CACNA2D4: variants seen among roughly 807,000 people sequenced by gnomAD.
CACNA2D4 encodes calcium voltage-gated channel auxiliary subunit alpha2delta 4.
A neutral mutation model predicts 163.8 loss-of-function variants in CACNA2D4; 157 were observed. That is an observed-to-expected ratio of 0.96 (90% CI 0.84 to 1.09). The LOEUF (loss-of-function observed/expected upper bound fraction) is 1.09. Ranked by LOEUF, CACNA2D4 falls within the 50% of genes least tolerant of loss-of-function variation. The pLI is 0.00. For synonymous variants in CACNA2D4, 598 were observed against 586.9 expected, an observed-to-expected ratio of 1.02 and a Z score of -0.27; for missense variants, 1,410 against 1,479.9, an observed-to-expected ratio of 0.95 and a Z score of 0.78.
Position 1,879,005 on chromosome 12 carries a change from C to G in CACNA2D4, c.1595G>C (p.Gly532Ala), listed in dbSNP as rs745676117. Reference sequence around the variant, plus strand: ...CAGCTCTCTCAGGGCCACATCTGAGCCCACCACACCCAGGAGAATGCCATG... The same window carrying G: ...CAGCTCTCTCAGGGCCACATCTGAGGCCACCACACCCAGGAGAATGCCATG... ...RSHGILLGVV[G>A]SDVALRELMK... The change falls in exon 15 of 38, where the codon GGC becomes GCC. Residue 532 changes from glycine to alanine, a missense_variant. Gly to Ala is a moderately conservative substitution (Grantham distance 60, BLOSUM62 0). Coordinates refer to ENST00000382722, the MANE Select transcript of CACNA2D4 (RefSeq NM_172364.5). 2 of 1,613,832 alleles carry G rather than the reference C, an allele frequency of 1.2e-6. No homozygotes were observed. Among genetic ancestry groups the G allele is most frequent in the Non-Finnish European group, 1.7e-6 (2 of 1,179,832 alleles).
At chr12:1,808,239 G>A (rs571164258) in intron 29 of CACNA2D4, among the ~76,000 whole-genome samples, 20 of 152,274 alleles carry the variant, frequency 1.3e-4, no homozygotes, top group Admixed American at 9.8e-4. Context: ...CTCCCCGCAC[G>A]GTTGTCCCGC....
rs114623586 is a variant in CACNA2D4, at chr12:1,806,190, C to T, written c.2721+4088G>A. Among the ~76,000 whole-genome samples the T allele has an allele frequency of 9.6e-3, 1,457 of 152,280 alleles. 28 individuals carry two copies. Among genetic ancestry groups the T allele is most frequent in the African/African-American group, 0.033 (1,386 of 41,538 alleles). On this transcript the variant is annotated intron_variant, in intron 29 of 37. Transcript: ENST00000382722. This position sits in a 1 kb window ranked among gnomAD's most constrained non-coding sequence, Gnocchi z 4.1. ...CCGCCCAGAAGCAAATGACAGGAAT[C>T]GGAGTCCCCAGATTCAGGGTGACAG...
At chr12:1,821,836 C>T (rs140677643) in intron 26 of CACNA2D4, among the ~76,000 whole-genome samples, 4 of 152,152 alleles carry the variant, frequency 2.6e-5, no homozygotes, top group Non-Finnish European at 4.4e-5. Flanking sequence ...GTCTCTCCCC[C>T]ACCCCCAAGC....
intron 6 of CACNA2D4, among the ~76,000 whole-genome samples, chr12:1,902,884 C>T (rs1418135929): frequency 2.6e-5 from 4 of 151,924 alleles, no homozygotes; most frequent in Non-Finnish European, 5.9e-5. Flanking sequence ...TATATGGAAC[C>T]AAAAAAGACC....
intron 18 of CACNA2D4, among the ~76,000 whole-genome samples, chr12:1,867,964 A>G (rs755031527): frequency 1.6e-4 from 24 of 152,252 alleles, no homozygotes; most frequent in Non-Finnish European, 2.8e-4. Context: ...AAGACAAGAA[A>G]TAAGTGTAGA....
In CACNA2D4 at chr12:1,838,798, G is replaced by T. The variant is rs569760351; in HGVS notation, c.2551+1941C>A. ...CAGGAGCTGAGAAGGCCCCCATCAC[G>T]TGGGAGCAGCACAGGCGCAGGCTTG... On this transcript the variant is annotated intron_variant, in intron 26 of 37. Transcript: ENST00000382722. 2.0e-5 allele frequency among the ~76,000 whole-genome samples: 3 copies of T among 152,306 alleles called. No individual in the cohort carries two copies. In the East Asian group the frequency reaches 5.8e-4, roughly 29 times the overall value.
At position 1,834,800 on chromosome 12, in the gene CACNA2D4, C is replaced by G; in HGVS notation, c.2551+5939G>C. 1 of 1,475,676 alleles carries G rather than the reference C, an allele frequency of 6.8e-7. No individual in the cohort carries two copies. The highest frequency in any genetic ancestry group is 8.9e-7 in the Non-Finnish European group (1 of 1,117,574). The allele number at this position is 1,475,676 out of a possible 1,614,324, so 91.4% of individuals were successfully genotyped here. ...CTCAGCCACAGCTCCCACCTTGACC[C>G]GGCGCTGGCCACTGCCTCCCCGAGT... On this transcript the variant is annotated intron_variant, in intron 26 of 37. Transcript: ENST00000382722. The surrounding 1 kb of genome is among the most constrained non-coding windows in gnomAD (Gnocchi z 7.6).
Position 1,866,408 on chromosome 12 carries a change from A to C in CACNA2D4, c.1879-6202T>G, listed in dbSNP as rs576962635. Among the ~76,000 whole-genome samples the C allele has an allele frequency of 4.6e-5, 7 of 152,330 alleles. No homozygotes were observed. In the East Asian group the frequency reaches 1.3e-3, roughly 29 times the overall value. On this transcript the variant is annotated intron_variant, in intron 18 of 37. Transcript: ENST00000382722. ...ATGCAACATCGAAACTTTTGCTTTAAATAGTCAGTTGTCTTTTTGAGAAAT... is the reference window on the plus strand; with the variant it reads ...ATGCAACATCGAAACTTTTGCTTTACATAGTCAGTTGTCTTTTTGAGAAAT...
At chr12:1,847,627 C>T (rs1416845906) in intron 23 of CACNA2D4, among the ~76,000 whole-genome samples, 1 of 152,178 alleles carries the variant, frequency 6.6e-6, no homozygotes, top group Non-Finnish European at 1.5e-5. Context: ...CTGAGTCAGA[C>T]TCTCTGGGGA....
rs373610752 is a variant in CACNA2D4 at position 1,828,259 on chromosome 12, G to A, written c.2551+12480C>T. The A allele has an allele frequency of 6.8e-5, 101 of 1,493,484 alleles. No homozygotes were observed. Among genetic ancestry groups the A allele is most frequent in the Middle Eastern group, 3.5e-4 (2 of 5,736 alleles). 92.5% of individuals were successfully genotyped at this position (1,493,484 alleles called of 1,614,324 possible). On this transcript the variant is annotated intron_variant, in intron 26 of 37. Coordinates refer to ENST00000382722, the MANE Select transcript of CACNA2D4 (RefSeq NM_172364.5). The surrounding 1 kb of genome is among the most constrained non-coding windows in gnomAD (Gnocchi z 4.2). ...TCGGAGGGGGGTGCGGGTTGGGTGG[G>A]GGTGCCGAGGTGACTGTAGGTAGCG...
Position 1,798,595 on chromosome 12 carries a change from C to T in CACNA2D4, c.2996-1060G>A, listed in dbSNP as rs953195785. Among the ~76,000 whole-genome samples the T allele has an allele frequency of 2.0e-5, 3 of 152,118 alleles. No homozygotes were observed. Among genetic ancestry groups the T allele is most frequent in the Admixed American group, 6.5e-5 (1 of 15,282 alleles). The stretch of plus-strand genomic sequence containing the variant: ...GGGTTGAGTGGCGTCCCCAGGGTCA[C>T]GCAGTGGAAGGGGCTGCAGCACCTA... On this transcript the variant is annotated intron_variant, in intron 34 of 37. Coordinates refer to ENST00000382722, the MANE Select transcript of CACNA2D4 (RefSeq NM_172364.5). This position sits in a 1 kb window ranked among gnomAD's most constrained non-coding sequence, Gnocchi z 4.3.
intron 13 of CACNA2D4, among the ~76,000 whole-genome samples, chr12:1,880,991 T>G (rs1207623776): frequency 6.6e-6 from 1 of 152,114 alleles, no homozygotes; most frequent in Non-Finnish European, 1.5e-5. Flanking sequence ...CCTGCACTCA[T>G]GTTTCTGGAT....
At chr12:1,899,020 A>G (rs1017248433) in intron 6 of CACNA2D4, among the ~76,000 whole-genome samples, 25 of 152,158 alleles carry the variant, frequency 1.6e-4, no homozygotes, top group African/African-American at 6.0e-4. Context: ...TTGCACAACA[A>G]TGAGAATGCA....
At chr12:1,912,462 C>T (rs535455144) in intron 3 of CACNA2D4, among the ~76,000 whole-genome samples, 1 of 152,344 alleles carries the variant, frequency 6.6e-6, no homozygotes, top group South Asian at 2.1e-4. Flanking sequence ...GGGCACAAGG[C>T]CCATCCCTGT....
chr12:1,837,911 G>C (rs1000145962), intron 26 of CACNA2D4, among the ~76,000 whole-genome samples: 2 of 152,188 alleles, frequency 1.3e-5, no homozygotes, highest in African/African-American at 4.8e-5. Flanking sequence ...AGGTCTGAAG[G>C]CTGGGCCTGT....
At chr12:1,911,706 C>T (rs1329861145) in intron 3 of CACNA2D4, among the ~76,000 whole-genome samples, 2 of 152,168 alleles carry the variant, frequency 1.3e-5, no homozygotes, top group African/African-American at 4.8e-5. Context: ...TGTGGAAGGG[C>T]ACAGGGAGCC....
At position 1,846,604 on chromosome 12, in the gene CACNA2D4, CCTT is replaced by C. The variant is rs1865149955; in HGVS notation, c.2329_2331del (p.Lys777del). The stretch of plus-strand genomic sequence containing the variant: ...GCCGGCCCAACCCACCTGTCGGAGA[CCTT>C]CTCGGAGCCCACGAACAAGCTGCTT... On this transcript the variant is annotated inframe_deletion, in exon 24 of 38. Coordinates refer to ENST00000382722, the MANE Select transcript of CACNA2D4 (RefSeq NM_172364.5). 3.8e-6 allele frequency: 6 copies of C among 1,597,346 alleles called. No individual in the cohort carries two copies. The highest frequency in any genetic ancestry group is 2.3e-5 in the South Asian group (2 of 88,604).
intron 26 of CACNA2D4, chr12:1,827,874 G>GA (rs1203905798): frequency 2.6e-6 from 1 of 382,426 alleles, no homozygotes; most frequent in African/African-American, 2.1e-5. Flanking sequence ...CGGGCTCCTG[G>GA]AAAGCCGAAG....
intron 18 of CACNA2D4, among the ~76,000 whole-genome samples, chr12:1,867,311 C>T (rs1026269693): frequency 2.6e-5 from 4 of 151,392 alleles, no homozygotes; most frequent in Non-Finnish European, 5.9e-5. Flanking sequence ...TTTCTCCTTA[C>T]CTTCTAGGGC....
Sources: gnomAD v4.1 joint callset for allele counts (sites outside exome capture counted in the v4.1 genomes callset) on GRCh38, gnomAD v4.1.1 for gene constraint, Gnocchi (gnomAD v3.1) non-coding constraint, MANE v1.5 for transcripts, NCBI Gene and HGNC (gene_info 2026-07-23, HGNC 2026-07-21) for gene names.